The following RAC1 variants were observed in gnomAD, a reference collection of about 807,000 sequenced individuals.
The protein encoded by RAC1 is Rac family small GTPase 1, also known as ras-related C3 botulinum toxin substrate 1.
RAC1 carries 2 observed loss-of-function variants against 25.2 expected under a neutral mutation model. The ratio of observed to expected loss-of-function variants is 0.08; its 90% CI spans 0.03 to 0.25. RAC1 has a LOEUF of 0.25. Ranked by LOEUF, RAC1 falls within the 10% of genes least tolerant of loss-of-function variation. The probability of loss-of-function intolerance (pLI) is 1.00; values close to 1 mark genes in which losing one functional copy is unlikely to be tolerated. For synonymous variants in RAC1, 88 were observed against 94.0 expected (o/e 0.94, Z 0.37); for missense variants, 50 against 235.7 (o/e 0.21, Z 5.16).
At chr7:6,400,316 TA>T (rs1436853823) in intron 4 of RAC1, 128 bp downstream of exon 4, 1 of 858,604 alleles carries the variant, frequency 1.2e-6, no homozygotes. Flanking sequence ...GCTACTTAAG[TA>T]CATGATTGGG....
intron 2 of RAC1, among the ~76,000 whole-genome samples, chr7:6,388,653 A>C (rs368861601): frequency 6.6e-6 from 1 of 151,910 alleles, no homozygotes; most frequent in African/African-American, 2.4e-5. Context: ...TTTTACTGTA[A>C]GTGGAATCAT....
rs1254406866 is a variant in RAC1 at position 6,403,100 on chromosome 7, TGAA to T, written c.*658_*660del. 9.6e-6 allele frequency: 2 copies of T among 208,380 alleles called. No individual in the cohort carries two copies. Among genetic ancestry groups the T allele is most frequent in the Non-Finnish European group, 2.0e-5 (2 of 102,220 alleles). 12.9% of individuals were successfully genotyped at this position (208,380 alleles called of 1,614,324 possible). A position where few individuals can be genotyped will look rare whatever the true frequency, so the allele number is the denominator to read the frequency against. ...TGAACAGAACTGCTATTTCCTCTAA[TGAA>T]GAATTCTGTTTAGCTGTGGGTGTGC... On this transcript the variant is annotated 3_prime_UTR_variant, in exon 6 of 6. Transcript: ENST00000348035.
At chr7:6,387,415 A>C in intron 2 of RAC1, 132 bp downstream of exon 2, 2 of 674,350 alleles carry the variant, frequency 3.0e-6, no homozygotes, top group Non-Finnish European at 5.0e-6. Context: ...ACATTCACTG[A>C]AACCTAATTA....
chr7:6,388,695 G>T (rs1782995853), intron 2 of RAC1, among the ~76,000 whole-genome samples: 1 of 152,008 alleles, frequency 6.6e-6, no homozygotes, highest in African/African-American at 2.4e-5. Flanking sequence ...TTATGGGGGA[G>T]ATTTTCCTTA....
intron 3 of RAC1, chr7:6,399,787 T>C: frequency 4.2e-6 from 1 of 239,098 alleles, no homozygotes; most frequent in South Asian, 1.1e-4. Context: ...ACAGAAATAT[T>C]GGAATCATAC....
intron 3 of RAC1, among the ~76,000 whole-genome samples, chr7:6,394,347 A>G (rs1353848224): frequency 6.6e-6 from 1 of 152,248 alleles, no homozygotes; most frequent in African/African-American, 2.4e-5. Context: ...TAATCCTTAC[A>G]TTATTTTCTC....
chr7:6,376,430 C>T (rs1435086174), intron 1 of RAC1, among the ~76,000 whole-genome samples: 2 of 151,502 alleles, frequency 1.3e-5, no homozygotes, highest in Non-Finnish European at 2.9e-5. Context: ...GTGATCCACC[C>T]GCCTGGGTCT....
intron 1 of RAC1, among the ~76,000 whole-genome samples, chr7:6,383,373 A>G (rs1782827311): frequency 6.6e-6 from 1 of 152,206 alleles, no homozygotes; most frequent in Admixed American, 6.5e-5. Flanking sequence ...TTTAATCAGA[A>G]GACTTAAAGA....
At chr7:6,384,932 A>C (rs1035608316) in intron 1 of RAC1, among the ~76,000 whole-genome samples, 1 of 151,952 alleles carries the variant, frequency 6.6e-6, no homozygotes, top group Middle Eastern at 3.4e-3. Flanking sequence ...CAGCCCCCCA[A>C]GTAGCTGAGA....
chr7:6,380,710 C>G (rs544513346), intron 1 of RAC1, among the ~76,000 whole-genome samples: 1 of 152,168 alleles, frequency 6.6e-6, no homozygotes, highest in Non-Finnish European at 1.5e-5. Context: ...TAGTGGAAAG[C>G]ATTGTACAGT....
At chr7:6,387,429 G>A in intron 2 of RAC1, 146 bp downstream of exon 2, 1 of 627,774 alleles carries the variant, frequency 1.6e-6, no homozygotes, top group Non-Finnish European at 2.7e-6. Flanking sequence ...CTAATTATAA[G>A]GTATATTAGG....
intron 3 of RAC1, among the ~76,000 whole-genome samples, chr7:6,397,841 T>G (rs561188872): frequency 2.6e-5 from 4 of 152,114 alleles, no homozygotes; most frequent in African/African-American, 7.2e-5. Context: ...TACAAAAAAT[T>G]AGCTGGGCGT....
intron 1 of RAC1, among the ~76,000 whole-genome samples, chr7:6,385,820 T>C (rs1256414207): frequency 6.6e-6 from 1 of 152,196 alleles, no homozygotes; most frequent in Admixed American, 6.6e-5. Flanking sequence ...ATGATGCTGA[T>C]GTGTCATTGT....
intron 1 of RAC1, among the ~76,000 whole-genome samples, 183 bp downstream of exon 1, chr7:6,374,953 G>A (rs1287258129): frequency 6.6e-6 from 1 of 151,582 alleles, no homozygotes; most frequent in Non-Finnish European, 1.5e-5. Flanking sequence ...CGGCCCGGGC[G>A]GCGCGTGCCT....
intron 1 of RAC1, among the ~76,000 whole-genome samples, chr7:6,383,784 C>CTTTATTTT (rs1782839680): frequency 2.5e-5 from 1 of 39,770 alleles, no homozygotes; most frequent in Non-Finnish European, 4.7e-5. Flanking sequence ...CAACCTTTAT[C>CTTTATTTT]TTTTTTTTTT....
At chr7:6,386,441 A>G (rs956377746) in intron 1 of RAC1, among the ~76,000 whole-genome samples, 1 of 152,122 alleles carries the variant, frequency 6.6e-6, no homozygotes, top group African/African-American at 2.4e-5. Context: ...AGGCAGCAGA[A>G]TAAGTTACTT....
At chr7:6,385,447 A>G (rs1411147770) in intron 1 of RAC1, among the ~76,000 whole-genome samples, 1 of 152,194 alleles carries the variant, frequency 6.6e-6, no homozygotes, top group Non-Finnish European at 1.5e-5. Flanking sequence ...TACGTGCTAG[A>G]ATTGGCCCTG....
rs543723405 is a variant in RAC1 at position 6,399,887 on chromosome 7, T to A, written c.226-239T>A. The A allele has an allele frequency of 1.8e-4, 102 of 554,538 alleles. 2 individuals carry two copies. Among genetic ancestry groups the A allele is most frequent in the South Asian group, 7.0e-4 (29 of 41,456 alleles). The allele number at this position is 554,538 out of a possible 1,614,324, so 34.4% of individuals were successfully genotyped here. ...TGATCCTCCTGATCCTTGAAGAGCT[T>A]CCAGCATCATTCTCCCTTCATGCTC... On this transcript the variant is annotated intron_variant, in intron 3 of 5. Coordinates refer to ENST00000348035, the MANE Select transcript of RAC1 (RefSeq NM_006908.5).
intron 3 of RAC1, among the ~76,000 whole-genome samples, chr7:6,397,199 C>A (rs1783264355): frequency 6.8e-6 from 1 of 146,758 alleles, no homozygotes; most frequent in African/African-American, 2.5e-5. Flanking sequence ...CGAGATCGCG[C>A]CACTGCACTC....
Sources: gnomAD v4.1 joint callset for allele counts (sites outside exome capture counted in the v4.1 genomes callset) on GRCh38, gnomAD v4.1.1 for gene constraint, MANE v1.5 for transcripts, NCBI Gene and HGNC (gene_info 2026-07-23, HGNC 2026-07-21) for gene names.